The following SPATA22 variants were observed in gnomAD, a reference collection of about 807,000 sequenced individuals.
The protein encoded by SPATA22 is spermatogenesis-associated protein 22.
A neutral mutation model predicts 47.8 loss-of-function variants in SPATA22; 29 were observed. The observed-to-expected ratio is 0.61, with a 90% CI of 0.45 to 0.83. The LOEUF (loss-of-function observed/expected upper bound fraction) is 0.83. SPATA22 is among the 40% of genes least tolerant of loss of function. SPATA22 has a pLI of 0.00. For synonymous variants in SPATA22, 133 were observed against 140.9 expected, an observed-to-expected ratio of 0.94 and a Z score of 0.40; for missense variants, 410 against 421.7, an observed-to-expected ratio of 0.97 and a Z score of 0.24.
chr17:3,468,883 C>A (rs750414213), intron 2 of SPATA22: 2 of 951,138 alleles, frequency 2.1e-6, no homozygotes, highest in Non-Finnish European at 2.5e-6. Flanking sequence ...ATCATCCTTG[C>A]CATCTGTCTT....
intron 6 of SPATA22, among the ~76,000 whole-genome samples, chr17:3,447,094 G>A (rs1172504970): frequency 6.6e-6 from 1 of 152,006 alleles, no homozygotes; most frequent in Admixed American, 6.6e-5. Context: ...TCTAGTGGAG[G>A]ATTTAAAAAA....
intron 5 of SPATA22, among the ~76,000 whole-genome samples, chr17:3,453,476 A>G (rs1260550215): frequency 1.3e-5 from 2 of 152,184 alleles, no homozygotes; most frequent in Non-Finnish European, 2.9e-5. Flanking sequence ...TCTAAAAAAA[A>G]TAAGTATAGA....
chr17:3,508,988 T>C (rs575996621), intron 1 of SPATA22, among the ~76,000 whole-genome samples: 6 of 148,952 alleles, frequency 4.0e-5, no homozygotes, highest in African/African-American at 1.5e-4. Flanking sequence ...GAACTGAATA[T>C]ACCTATGAAT....
exon 1 of SPATA22, chr17:3,513,633 C>T: frequency 3.0e-6 from 1 of 330,344 alleles, no homozygotes; most frequent in East Asian, 5.0e-5. Context: ...AAACCAGAGG[C>T]TTCACCCGGG....
In SPATA22 at chr17:3,462,531, A is replaced by G. The variant is rs757471199; in HGVS notation, c.281T>C (p.Val94Ala). ...AGTATTTGATTGAATAGAGTTAAAGACAGAATCTTGACTTCTCAGAGGACG... is the reference window on the plus strand; with the variant it reads ...AGTATTTGATTGAATAGAGTTAAAGGCAGAATCTTGACTTCTCAGAGGACG... ...VSRPLRSQDS[V>A]FNSIQSNTGR... The change falls in exon 5 of 9, where the codon GTC becomes GCC. Residue 94 changes from valine (V) to alanine (A), a missense_variant. Transcript: ENST00000572969. The G allele has an allele frequency of 9.9e-6, 16 of 1,613,248 alleles. No homozygotes were observed. In the South Asian group the frequency reaches 1.1e-4, roughly 11 times the overall value.
At chr17:3,459,996 G>C (rs191897902) in intron 5 of SPATA22, among the ~76,000 whole-genome samples, 2 of 152,130 alleles carry the variant, frequency 1.3e-5, no homozygotes, top group East Asian at 3.8e-4. Flanking sequence ...TAACAAGAAT[G>C]GTTGAAAGAC....
intron 5 of SPATA22, among the ~76,000 whole-genome samples, chr17:3,451,367 A>C (rs2072856045): frequency 6.6e-6 from 1 of 152,156 alleles, no homozygotes; most frequent in South Asian, 2.1e-4. Flanking sequence ...AAAAAAAAGA[A>C]AGCTCAATAC....
chr17:3,461,022 G>C (rs182297363), intron 5 of SPATA22, among the ~76,000 whole-genome samples: 113 of 152,170 alleles, frequency 7.4e-4, no homozygotes, highest in African/African-American at 2.6e-3. Flanking sequence ...TAATAACACA[G>C]TATCTATAAG....
At chr17:3,492,708 G>A (rs2073845188) in intron 1 of SPATA22, among the ~76,000 whole-genome samples, 1 of 152,138 alleles carries the variant, frequency 6.6e-6, no homozygotes, top group Non-Finnish European at 1.5e-5. Flanking sequence ...AAGCCTTTGA[G>A]GTGGAAAACT....
At chr17:3,512,560 T>A (rs969192767) in intron 1 of SPATA22, 1 of 152,198 alleles carries the variant, frequency 6.6e-6, no homozygotes, top group African/African-American at 2.4e-5. Flanking sequence ...GTTACTATTT[T>A]TATAATTCCA....
At chr17:3,456,045 C>T (rs1467936224) in intron 5 of SPATA22, among the ~76,000 whole-genome samples, 1 of 152,106 alleles carries the variant, frequency 6.6e-6, no homozygotes, top group Non-Finnish European at 1.5e-5. Context: ...GTATTTTATT[C>T]TCTTTGAAGC....
intron 1 of SPATA22, among the ~76,000 whole-genome samples, chr17:3,497,524 A>T (rs989185722): frequency 6.6e-6 from 1 of 152,214 alleles, no homozygotes; most frequent in Non-Finnish European, 1.5e-5. Context: ...AGGTAAATTT[A>T]AAAATAAAAT....
In SPATA22 at chr17:3,448,078, T is replaced by C. The variant is rs184430021; in HGVS notation, c.672+729A>G. On this transcript the variant is annotated intron_variant, in intron 6 of 8. Coordinates refer to ENST00000572969, the MANE Select transcript of SPATA22 (RefSeq NM_001170698.2). Reference sequence around the variant, plus strand: ...GCGTAGAGAGGAAGTACAGTTGAGATACAGGTATAGGGAAGAATATAAACC... The same window carrying C: ...GCGTAGAGAGGAAGTACAGTTGAGACACAGGTATAGGGAAGAATATAAACC... Among the ~76,000 whole-genome samples, 3 of 152,294 alleles carry C rather than the reference T, an allele frequency of 2.0e-5. No individual in the cohort carries two copies. The East Asian group carries it at 5.8e-4, about 29-fold the overall frequency.
At chr17:3,464,609 G>A (rs1381692087) in intron 3 of SPATA22, among the ~76,000 whole-genome samples, 1 of 146,010 alleles carries the variant, frequency 6.8e-6, no homozygotes, top group Non-Finnish European at 1.5e-5. Flanking sequence ...CGTCTGAGAT[G>A]TGGGGAGCAC....
In SPATA22 at chr17:3,489,376, A is replaced by C. The variant is rs372987490; in HGVS notation, c.-73-19978T>G. The stretch of plus-strand genomic sequence containing the variant: ...TAATGAAGGTAACGTTATCAAACTT[A>C]ACCACCAAACATTTAAATAACAATT... On this transcript the variant is annotated intron_variant, in intron 1 of 8. Transcript: ENST00000541913. 2.3e-5 allele frequency: 34 copies of C among 1,494,422 alleles called. No individual in the cohort carries two copies. The African/African-American group carries it at 3.6e-4, about 16-fold the overall frequency. 92.6% of individuals were successfully genotyped at this position (1,494,422 alleles called of 1,614,324 possible). A position where few individuals can be genotyped will look rare whatever the true frequency, so the allele number is the denominator to read the frequency against.
chr17:3,460,409 G>GA (rs143889046), intron 5 of SPATA22, among the ~76,000 whole-genome samples: 1 of 151,850 alleles, frequency 6.6e-6, no homozygotes, highest in Non-Finnish European at 1.5e-5. Context: ...AGTTATTTTA[G>GA]AAAAAAATAA....
chr17:3,498,897 G>A, intron 1 of SPATA22: 1 of 1,582,696 alleles, frequency 6.3e-7, no homozygotes, highest in Non-Finnish European at 8.6e-7. Flanking sequence ...AGAGGATCAA[G>A]ACTGGAAACC....
At chr17:3,472,888 A>G (rs796433637), upstream of SPATA22, among the ~76,000 whole-genome samples, 10 of 152,356 alleles carry the variant, frequency 6.6e-5, no homozygotes, top group African/African-American at 2.4e-4. Flanking sequence ...CTTGAATGCC[A>G]GAGTAAGGAA....
chr17:3,473,446 G>C (rs1357498602), upstream of SPATA22, among the ~76,000 whole-genome samples: 1 of 152,082 alleles, frequency 6.6e-6, no homozygotes, highest in Non-Finnish European at 1.5e-5. Flanking sequence ...TTTCTGGCAG[G>C]GATCTACTGG....
Sources: allele counts gnomAD v4.1 joint callset (sites outside exome capture counted in the v4.1 genomes callset), GRCh38; gene constraint gnomAD v4.1.1; transcripts MANE v1.5; gene names NCBI Gene and HGNC (gene_info 2026-07-23, HGNC 2026-07-21).